SLIT2: variants seen among roughly 807,000 people sequenced by gnomAD.
SLIT2 encodes the protein slit homolog 2 protein.
A neutral mutation model predicts 185.7 loss-of-function variants in SLIT2; 41 were observed. The ratio of observed to expected loss-of-function variants is 0.22; its 90% CI spans 0.17 to 0.29. The LOEUF (loss-of-function observed/expected upper bound fraction) is 0.29. Ranked by LOEUF, SLIT2 falls within the 10% of genes least tolerant of loss-of-function variation. The pLI is 1.00. For synonymous variants in SLIT2, 693 were observed against 680.2 expected (o/e 1.02, Z -0.29); for missense variants, 1,571 against 1,909.0 (o/e 0.82, Z 3.30).
intron 18 of SLIT2, among the ~76,000 whole-genome samples, chr4:20,538,407 T>TA (rs1722497047): frequency 2.0e-5 from 1 of 49,300 alleles, no homozygotes; most frequent in South Asian, 7.4e-4. Flanking sequence ...GATCCCTTCA[T>TA]AAGGAGAGCA....
chr4:20,276,477 A>G (rs1420946872), intron 4 of SLIT2, among the ~76,000 whole-genome samples: 1 of 152,182 alleles, frequency 6.6e-6, no homozygotes, highest in Non-Finnish European at 1.5e-5. Context: ...CCTATGGCCT[A>G]GGGTACAGCA....
intron 19 of SLIT2, 77 bp downstream of exon 19, chr4:20,539,661 G>A (rs1722625569): frequency 6.4e-6 from 6 of 930,652 alleles, no homozygotes; most frequent in Non-Finnish European, 9.0e-6. Flanking sequence ...ATATTATTAA[G>A]CATTTCATTA....
chr4:20,573,759 C>T (rs984685587), intron 29 of SLIT2, among the ~76,000 whole-genome samples: 1 of 151,808 alleles, frequency 6.6e-6, no homozygotes, highest in East Asian at 1.9e-4. Context: ...TATTGAAACA[C>T]TTTATGAAAT....
intron 4 of SLIT2, among the ~76,000 whole-genome samples, chr4:20,420,207 G>T (rs970736935): frequency 6.6e-6 from 1 of 152,070 alleles, no homozygotes; most frequent in African/African-American, 2.4e-5. Flanking sequence ...ATAGGTTTTG[G>T]TTAGGGTCTT....
At chr4:20,525,545 G>C (rs899210255) in intron 15 of SLIT2, among the ~76,000 whole-genome samples, 2 of 152,068 alleles carry the variant, frequency 1.3e-5, no homozygotes, top group African/African-American at 2.4e-5. Flanking sequence ...TGGTTTTAAA[G>C]ACAGAGATCT....
chr4:20,483,970 T>C (rs1482913029), intron 6 of SLIT2, among the ~76,000 whole-genome samples: 1 of 152,080 alleles, frequency 6.6e-6, no homozygotes, highest in East Asian at 1.9e-4. Context: ...TGAGTATCAG[T>C]ATCAGTACTT....
At chr4:20,496,851 T>C (rs970410727) in intron 9 of SLIT2, among the ~76,000 whole-genome samples, 1 of 152,162 alleles carries the variant, frequency 6.6e-6, no homozygotes, top group African/African-American at 2.4e-5. Flanking sequence ...GATGAAGCTG[T>C]ATTAACCAAA....
At chr4:20,506,738 A>G (rs891254843) in intron 9 of SLIT2, among the ~76,000 whole-genome samples, 1 of 151,940 alleles carries the variant, frequency 6.6e-6, no homozygotes, top group South Asian at 2.1e-4. Context: ...TTGTTTCTCC[A>G]CTAAATAAGA....
chr4:20,576,983 T>A lies in SLIT2; in HGVS notation c.3088+7979T>A, dbSNP rs148356046. 2.6e-5 allele frequency among the ~76,000 whole-genome samples: 4 copies of A among 152,044 alleles called. No homozygotes were observed. In the East Asian group the frequency reaches 5.8e-4, roughly 22 times the overall value. Reference sequence around the variant, plus strand: ...TTGTTTATTTGGAGAGGTAAGTTTTTTTTTTTTCATTTAAAAATATACCAG... The same window carrying A: ...TTGTTTATTTGGAGAGGTAAGTTTTATTTTTTTCATTTAAAAATATACCAG... On this transcript the variant is annotated intron_variant, in intron 29 of 36. Transcript: ENST00000504154.
At chr4:20,548,826 G>T (rs557579186) in intron 23 of SLIT2, among the ~76,000 whole-genome samples, 2 of 152,100 alleles carry the variant, frequency 1.3e-5, no homozygotes, top group Non-Finnish European at 2.9e-5. Flanking sequence ...GGGAAGGGAC[G>T]GCTGACGCAC....
chr4:20,417,436 GTATATATA>G (rs367855245), intron 4 of SLIT2, among the ~76,000 whole-genome samples: 9 of 123,678 alleles, frequency 7.3e-5, no homozygotes, highest in Non-Finnish European at 1.4e-4. Flanking sequence ...ATGTGTGTGT[GTATATATA>G]TATATATATA....
intron 4 of SLIT2, among the ~76,000 whole-genome samples, chr4:20,415,168 T>C (rs959975092): frequency 1.3e-5 from 2 of 152,056 alleles, no homozygotes; most frequent in African/African-American, 2.4e-5. Flanking sequence ...TCCCAGCACT[T>C]TGGGAGGCCG....
chr4:20,325,436 A>C (rs2066533344), intron 4 of SLIT2, among the ~76,000 whole-genome samples: 2 of 146,060 alleles, frequency 1.4e-5, no homozygotes, highest in Non-Finnish European at 3.0e-5. Context: ...GGTGGGAATA[A>C]TCTTAAAAAA....
intron 4 of SLIT2, among the ~76,000 whole-genome samples, chr4:20,324,860 T>C (rs565404119): frequency 1.3e-5 from 2 of 152,230 alleles, no homozygotes; most frequent in African/African-American, 4.8e-5. Flanking sequence ...ATTCCCCAAA[T>C]GTGCATCAGA....
intron 34 of SLIT2, among the ~76,000 whole-genome samples, chr4:20,613,582 A>G (rs1009853114): frequency 3.9e-5 from 6 of 152,148 alleles, no homozygotes; most frequent in Admixed American, 2.6e-4. Context: ...GGGTGCTGAA[A>G]TAGTCCGTAC....
intron 4 of SLIT2, among the ~76,000 whole-genome samples, chr4:20,461,738 T>A (rs1464440552): frequency 6.6e-6 from 1 of 151,886 alleles, no homozygotes; most frequent in Admixed American, 6.6e-5. Context: ...AACTCCAGAG[T>A]TTTTGGTCTG....
At chr4:20,581,839 C>T (rs368295560) in intron 29 of SLIT2, among the ~76,000 whole-genome samples, 27 of 152,278 alleles carry the variant, frequency 1.8e-4, no homozygotes, top group African/African-American at 6.3e-4. Flanking sequence ...CTCCACCTCC[C>T]GGGTTCAAGC....
At chr4:20,433,995 T>C (rs1227021730) in intron 4 of SLIT2, among the ~76,000 whole-genome samples, 1 of 152,168 alleles carries the variant, frequency 6.6e-6, no homozygotes, top group East Asian at 1.9e-4. Flanking sequence ...TTATCTAAAA[T>C]TTTAATTGAA....
At chr4:20,371,916 A>G (rs1429158908) in intron 4 of SLIT2, among the ~76,000 whole-genome samples, 1 of 152,082 alleles carries the variant, frequency 6.6e-6, no homozygotes, top group Non-Finnish European at 1.5e-5. Context: ...CCAAAGAAAT[A>G]GGAATGTTTT....
Sources: allele counts gnomAD v4.1 joint callset (sites outside exome capture counted in the v4.1 genomes callset), GRCh38; gene constraint gnomAD v4.1.1; transcripts MANE v1.5; gene names NCBI Gene and HGNC (gene_info 2026-07-23, HGNC 2026-07-21).